ERCC6L2: variants seen among roughly 807,000 people sequenced by gnomAD.
The protein encoded by ERCC6L2 is ERCC excision repair 6 like 2.
A neutral mutation model predicts 132.0 loss-of-function variants in ERCC6L2; 77 were observed. That is an observed-to-expected ratio of 0.58 (90% CI 0.49 to 0.71). The LOEUF is 0.71. Among genes scored for constraint, ERCC6L2 ranks in the 30% least tolerant of loss-of-function variants. The pLI, the probability that ERCC6L2 is intolerant of heterozygous loss-of-function variation, is 0.00. For missense variants in ERCC6L2, 1,542 were observed against 1,837.6 expected (o/e 0.84, Z 2.94); for synonymous variants, 583 against 632.4 (o/e 0.92, Z 1.17).
chr9:95,936,444 C>T (rs564650121), intron 11 of ERCC6L2, among the ~76,000 whole-genome samples: 22 of 152,280 alleles, frequency 1.4e-4, no homozygotes, highest in East Asian at 7.7e-4. Context: ...GAAGCATATG[C>T]GGTAGCACCC....
chr9:95,922,328 G>T lies in ERCC6L2; in HGVS notation c.1323G>T (p.Val441=), dbSNP rs1218015212. 1 of 1,612,078 alleles carries T rather than the reference G, an allele frequency of 6.2e-7. No homozygotes were observed. The highest frequency in any genetic ancestry group is 1.1e-5 in the South Asian group (1 of 90,928). ...CYKTNSHGET[V]KTLYLSYLTV... The stretch of plus-strand genomic sequence containing the variant: ...AGACCAATTCTCATGGTGAAACAGT[G>T]AAAACCTTGTATCTCAGTTACCTTA... The change falls in exon 8 of 19, where the codon GTG becomes GTT. Residue 441 remains valine (V), a synonymous_variant. Coordinates refer to ENST00000653738, the MANE Select transcript of ERCC6L2 (RefSeq NM_020207.7).
At chr9:95,890,251 A>C (rs1003812815) in intron 2 of ERCC6L2, among the ~76,000 whole-genome samples, 2 of 152,216 alleles carry the variant, frequency 1.3e-5, no homozygotes, top group Non-Finnish European at 2.9e-5. Flanking sequence ...AGTGAATTTT[A>C]AGTTGAATTG....
intron 12 of ERCC6L2, among the ~76,000 whole-genome samples, chr9:95,944,537 CA>C (rs1830958924): frequency 6.6e-6 from 1 of 152,108 alleles, no homozygotes; most frequent in Non-Finnish European, 1.5e-5. Context: ...TGTTTTGCCA[CA>C]ATTAATTTTA....
At chr9:95,990,744 A>C (rs1258008082) in intron 17 of ERCC6L2, among the ~76,000 whole-genome samples, 2 of 152,206 alleles carry the variant, frequency 1.3e-5, no homozygotes, top group Non-Finnish European at 2.9e-5. Context: ...GTGTGTTACA[A>C]CCAATGCACT....
chr9:95,886,622 C>T (rs1414544979), intron 2 of ERCC6L2, among the ~76,000 whole-genome samples: 1 of 152,150 alleles, frequency 6.6e-6, no homozygotes, highest in Non-Finnish European at 1.5e-5. Context: ...TTGATAAGTA[C>T]TCACTCTGGG....
intron 2 of ERCC6L2, among the ~76,000 whole-genome samples, chr9:95,895,887 C>T (rs140658758): frequency 0.014 from 2,179 of 152,000 alleles, 50 homozygotes; most frequent in African/African-American, 0.049. Context: ...CCACCGGGCC[C>T]GGCTAATTTT....
chr9:96,029,744 TCAAA>T (rs1302117162), intron 19 of ERCC6L2, among the ~76,000 whole-genome samples: 2 of 152,238 alleles, frequency 1.3e-5, no homozygotes, highest in Non-Finnish European at 2.9e-5. Context: ...GCCACACATG[TCAAA>T]CAGTCATTCT....
rs1011899241 is a variant in ERCC6L2, at chr9:96,014,843, T to A, written c.*1640T>A. 6.6e-6 allele frequency among the ~76,000 whole-genome samples: 1 copy of A among 152,154 alleles called. No homozygotes were observed. The highest frequency in any genetic ancestry group is 2.4e-5 in the African/African-American group (1 of 41,436). ...TGCATGATATGGTCCTTGATAGACT[T>A]GACTTGTAGATGTTTTCAGCCTACA... On this transcript the variant is annotated 3_prime_UTR_variant, in exon 19 of 19. Coordinates refer to ENST00000653738, the MANE Select transcript of ERCC6L2 (RefSeq NM_020207.7).
In ERCC6L2 at chr9:95,969,068, G is replaced by A. The variant is rs533410256; in HGVS notation, c.2101-1508G>A. Among the ~76,000 whole-genome samples, 19 of 152,122 alleles carry A rather than the reference G, an allele frequency of 1.2e-4. No homozygotes were observed. The South Asian group carries it at 3.9e-3, about 31-fold the overall frequency. ...GAGGGAGGAAGGTGTGTTTTAGATA[G>A]GGGAAACAAATGCAGAGGTCCTGAG... On this transcript the variant is annotated intron_variant, in intron 14 of 18. Transcript: ENST00000653738.
At chr9:95,991,512 A>T (rs1030641517) in intron 17 of ERCC6L2, among the ~76,000 whole-genome samples, 8 of 152,136 alleles carry the variant, frequency 5.3e-5, no homozygotes, top group Non-Finnish European at 1.0e-4. Flanking sequence ...ACTGATAGAC[A>T]GACTGGTTAT....
chr9:95,909,859 TC>T (rs771944156), intron 4 of ERCC6L2, among the ~76,000 whole-genome samples: 1 of 152,224 alleles, frequency 6.6e-6, no homozygotes, highest in Non-Finnish European at 1.5e-5. Flanking sequence ...TAGAAGAAAC[TC>T]CCAAACCATT....
At chr9:96,026,049 G>C (rs1232338955) in intron 19 of ERCC6L2, 1 of 152,560 alleles carries the variant, frequency 6.6e-6, no homozygotes, top group Admixed American at 6.5e-5. Flanking sequence ...CTGGAAGCTG[G>C]AGAAGGGGCC....
chr9:95,889,000 C>T (rs1828020306), intron 2 of ERCC6L2, among the ~76,000 whole-genome samples: 2 of 151,844 alleles, frequency 1.3e-5, no homozygotes, highest in South Asian at 2.1e-4. Context: ...TTAAGTTTTT[C>T]GGGGGTGGGT....
intron 4 of ERCC6L2, among the ~76,000 whole-genome samples, chr9:95,909,977 A>T (rs56217203): frequency 0.096 from 14,589 of 152,120 alleles, 797 homozygotes; most frequent in Admixed American, 0.14. Flanking sequence ...GTTTTAGTAG[A>T]TGTGTAGTAG....
At chr9:95,934,162 C>A (rs539482913) in intron 11 of ERCC6L2, among the ~76,000 whole-genome samples, 64 of 152,234 alleles carry the variant, frequency 4.2e-4, no homozygotes, top group African/African-American at 1.5e-3. Context: ...GAAAGAAAAT[C>A]ATTGTGTTCT....
intron 12 of ERCC6L2, among the ~76,000 whole-genome samples, chr9:95,944,554 C>T (rs1830960013): frequency 6.6e-6 from 1 of 152,114 alleles, no homozygotes; most frequent in Non-Finnish European, 1.5e-5. Flanking sequence ...TTTTAAAAGC[C>T]ACCCACAGTG....
At chr9:95,954,918 G>GA in intron 12 of ERCC6L2, 1 of 470,630 alleles carries the variant, frequency 2.1e-6, no homozygotes. Context: ...TGTGAGGAGG[G>GA]ACAGGTAAAG....
chr9:96,032,270 C>T (rs540392916), intron 19 of ERCC6L2, among the ~76,000 whole-genome samples: 1 of 152,324 alleles, frequency 6.6e-6, no homozygotes, highest in African/African-American at 2.4e-5. Context: ...CTGGAAACCC[C>T]CAGGAACGAG....
At chr9:95,891,629 C>A (rs1203637427) in intron 2 of ERCC6L2, among the ~76,000 whole-genome samples, 1 of 150,328 alleles carries the variant, frequency 6.7e-6, no homozygotes, top group Non-Finnish European at 1.5e-5. Context: ...ATACTATTTT[C>A]CACAATGGCT....
Sources: allele counts gnomAD v4.1 joint callset (sites outside exome capture counted in the v4.1 genomes callset), GRCh38; gene constraint gnomAD v4.1.1; transcripts MANE v1.5; gene names NCBI Gene and HGNC (gene_info 2026-07-23, HGNC 2026-07-21).